The following L3MBTL4 variants were observed in gnomAD, a reference collection of about 807,000 sequenced individuals.
L3MBTL4 encodes L3MBTL histone methyl-lysine binding protein 4.
A neutral mutation model predicts 84.5 loss-of-function variants in L3MBTL4; 70 were observed. The ratio of observed to expected loss-of-function variants is 0.83; its 90% CI spans 0.68 to 1.01. L3MBTL4 has a LOEUF of 1.01. Among genes scored for constraint, L3MBTL4 ranks in the 50% least tolerant of loss-of-function variants. The pLI is 0.00. For missense variants in L3MBTL4, 715 were observed against 754.8 expected, an observed-to-expected ratio of 0.95 and a Z score of 0.62; for synonymous variants, 274 against 259.8, an observed-to-expected ratio of 1.05 and a Z score of -0.52.
At chr18:5,974,039 C>T (rs931387650) in intron 16 of L3MBTL4, among the ~76,000 whole-genome samples, 6 of 152,196 alleles carry the variant, frequency 3.9e-5, no homozygotes, top group Non-Finnish European at 4.4e-5. Flanking sequence ...ATAAAGATGT[C>T]CTTACGTGTA....
intron 14 of L3MBTL4, among the ~76,000 whole-genome samples, chr18:6,137,355 G>A (rs74444049): frequency 0.028 from 4,313 of 152,114 alleles, 89 homozygotes; most frequent in Middle Eastern, 0.058. Context: ...CTATTACAGT[G>A]GCATTTCCTT....
At chr18:6,180,154 T>C (rs1223257161) in intron 12 of L3MBTL4, among the ~76,000 whole-genome samples, 1 of 152,082 alleles carries the variant, frequency 6.6e-6, no homozygotes, top group Admixed American at 6.6e-5. Context: ...TACCCATACT[T>C]TTCCACAGTA....
intron 13 of L3MBTL4, among the ~76,000 whole-genome samples, chr18:6,153,619 G>C (rs1465145477): frequency 4.6e-5 from 7 of 151,990 alleles, no homozygotes; most frequent in African/African-American, 1.7e-4. Context: ...ATTTTGATAT[G>C]GTTTGGCTCG....
intron 1 of L3MBTL4, among the ~76,000 whole-genome samples, chr18:6,368,450 G>A (rs752598805): frequency 3.3e-5 from 5 of 152,204 alleles, no homozygotes; most frequent in Non-Finnish European, 7.3e-5. Flanking sequence ...AGTAGTCACA[G>A]CAGGTAGACA....
intron 16 of L3MBTL4, among the ~76,000 whole-genome samples, chr18:5,973,792 CA>C (rs2052767610): frequency 6.6e-6 from 1 of 152,178 alleles, no homozygotes; most frequent in Non-Finnish European, 1.5e-5. Context: ...GCTGGCATCA[CA>C]GCCCTGTTTC....
chr18:6,176,785 T>A (rs2145279784), intron 12 of L3MBTL4, among the ~76,000 whole-genome samples: 1 of 152,206 alleles, frequency 6.6e-6, no homozygotes, highest in South Asian at 2.1e-4. Context: ...TTGCAATACA[T>A]TTATCTGACA....
chr18:6,014,204 C>T lies in L3MBTL4; in HGVS notation c.1445-44642G>A, dbSNP rs141319516. 6.7e-3 allele frequency among the ~76,000 whole-genome samples: 1,013 copies of T among 152,300 alleles called. 10 individuals carry two copies. The highest frequency in any genetic ancestry group is 0.01 in the South Asian group (50 of 4,830). ...TGTATAAAGATAATGGTTACACAAA[C>T]ATAATGCATCCTTAAAGTAAAATAC... is the stretch of plus-strand genomic sequence containing the variant. On this transcript the variant is annotated intron_variant, in intron 16 of 18. Coordinates refer to ENST00000317931, the MANE Select transcript of L3MBTL4 (RefSeq NM_001330559.2).
In L3MBTL4 at chr18:6,008,165, C is replaced by T. The variant is rs372048578; in HGVS notation, c.1445-38603G>A. Among the ~76,000 whole-genome samples, 16 of 152,218 alleles carry T rather than the reference C, an allele frequency of 1.1e-4. No homozygotes were observed. The South Asian group carries it at 2.5e-3, about 24-fold the overall frequency. On this transcript the variant is annotated intron_variant, in intron 16 of 18. Coordinates refer to ENST00000317931, the MANE Select transcript of L3MBTL4 (RefSeq NM_001330559.2). ...CTTTGATCCCAATGGTAAGTGGCCA[C>T]GGGGATCTATCCTTGCAGAGTGAGA...
intron 12 of L3MBTL4, among the ~76,000 whole-genome samples, chr18:6,211,284 G>A (rs2046093518): frequency 6.6e-6 from 1 of 152,188 alleles, no homozygotes; most frequent in Admixed American, 6.5e-5. Flanking sequence ...AACAGTCAGA[G>A]TGCCAAGGTA....
intron 16 of L3MBTL4, among the ~76,000 whole-genome samples, chr18:6,074,717 C>T (rs967292431): frequency 9.9e-5 from 15 of 152,070 alleles, no homozygotes; most frequent in Non-Finnish European, 2.1e-4. Context: ...TCTACCTATA[C>T]AAGTAAAGAC....
At chr18:6,370,892 C>A (rs1356394407) in intron 1 of L3MBTL4, among the ~76,000 whole-genome samples, 1 of 152,190 alleles carries the variant, frequency 6.6e-6, no homozygotes, top group Non-Finnish European at 1.5e-5. Context: ...ATGCACATTT[C>A]ACCAACCAGC....
chr18:6,101,644 C>G (rs1383560078), intron 14 of L3MBTL4, among the ~76,000 whole-genome samples: 1 of 152,214 alleles, frequency 6.6e-6, no homozygotes, highest in Non-Finnish European at 1.5e-5. Context: ...TCTGCTGCAA[C>G]CTGCAGACTC....
intron 10 of L3MBTL4, among the ~76,000 whole-genome samples, chr18:6,227,457 A>G (rs1378773014): frequency 6.6e-6 from 1 of 152,240 alleles, no homozygotes; most frequent in Non-Finnish European, 1.5e-5. Context: ...AAATTAAATT[A>G]GCAAAATTGA....
rs370136430 is a variant in L3MBTL4, at chr18:6,318,459, TATATC to T, written c.-90-6408_-90-6404del. Reference sequence around the variant, plus strand: ...AAAAGCTAGCAGGAGTTACTATCCTTATATCAGATAAAACAGACTTTCAAACAACA... The same window carrying T: ...AAAAGCTAGCAGGAGTTACTATCCTTAGATAAAACAGACTTTCAAACAACA... On this transcript the variant is annotated intron_variant, in intron 1 of 18. Coordinates refer to ENST00000317931, the MANE Select transcript of L3MBTL4 (RefSeq NM_001330559.2). Among the ~76,000 whole-genome samples, 338 of 130,642 alleles carry T rather than the reference TATATC, an allele frequency of 2.6e-3. 3 individuals carry two copies. The highest frequency in any genetic ancestry group is 9.5e-3 in the African/African-American group (322 of 33,748). 85.7% of individuals were successfully genotyped at this position (130,642 alleles called of 152,430 possible).
At chr18:6,271,768 A>T (rs1212323727) in intron 4 of L3MBTL4, among the ~76,000 whole-genome samples, 4 of 152,134 alleles carry the variant, frequency 2.6e-5, no homozygotes, top group Non-Finnish European at 5.9e-5. Flanking sequence ...CAGCGTTGGA[A>T]GGAGGCGACA....
chr18:6,056,203 GAA>G (rs1474279348), intron 16 of L3MBTL4, among the ~76,000 whole-genome samples: 4 of 151,998 alleles, frequency 2.6e-5, no homozygotes, highest in Non-Finnish European at 4.4e-5. Flanking sequence ...TTCTTCTTAA[GAA>G]AAAAGAGACT....
chr18:5,990,608 T>A (rs1378593198), intron 16 of L3MBTL4, among the ~76,000 whole-genome samples: 1 of 152,188 alleles, frequency 6.6e-6, no homozygotes, highest in Non-Finnish European at 1.5e-5. Context: ...GCCATCAATA[T>A]TAATTTTGCT....
chr18:6,108,631 T>C (rs1335777161), intron 14 of L3MBTL4, among the ~76,000 whole-genome samples: 1 of 152,080 alleles, frequency 6.6e-6, no homozygotes, highest in African/African-American at 2.4e-5. Flanking sequence ...AAACAGTCAA[T>C]CTCAGGGCAT....
chr18:6,130,246 A>C (rs1274795980), intron 14 of L3MBTL4, among the ~76,000 whole-genome samples: 1 of 151,956 alleles, frequency 6.6e-6, no homozygotes, highest in East Asian at 1.9e-4. Flanking sequence ...AGTGAGACTG[A>C]CACCCCCCAC....
Sources: gnomAD v4.1 joint callset for allele counts (sites outside exome capture counted in the v4.1 genomes callset) on GRCh38, gnomAD v4.1.1 for gene constraint, MANE v1.5 for transcripts, NCBI Gene and HGNC (gene_info 2026-07-23, HGNC 2026-07-21) for gene names.